Variants in TAOK1 observed in about 807,000 individuals in gnomAD.
The protein encoded by TAOK1 is TAO kinase 1.
TAOK1 carries 21 observed loss-of-function variants against 138.3 expected under a neutral mutation model. The ratio of observed to expected loss-of-function variants is 0.15; its 90% confidence interval spans 0.11 to 0.22. The LOEUF (loss-of-function observed/expected upper bound fraction) is 0.22. Among genes scored for constraint, TAOK1 ranks in the 10% least tolerant of loss-of-function variants. The probability of loss-of-function intolerance (pLI) is 1.00; values close to 1 mark genes in which losing one functional copy is unlikely to be tolerated. For missense variants in TAOK1, 651 were observed against 1,227.7 expected (o/e 0.53, Z 7.02); for synonymous variants, 361 against 398.4 (o/e 0.91, Z 1.12).
At chr17:29,415,235 T>C (rs1905241158) in intron 1 of TAOK1, among the ~76,000 whole-genome samples, 1 of 152,226 alleles carries the variant, frequency 6.6e-6, no homozygotes, top group South Asian at 2.1e-4. Flanking sequence ...TCCAGAGTGC[T>C]GGGATTACAG....
intron 15 of TAOK1, 42 bp downstream of exon 15, chr17:29,511,034 T>C (rs746650326): frequency 2.0e-5 from 31 of 1,561,828 alleles, no homozygotes; most frequent in Non-Finnish European, 2.6e-5. Flanking sequence ...TTTCTGCTTA[T>C]TAATTATATC....
chr17:29,399,288 A>G (rs1423410989), intron 1 of TAOK1, among the ~76,000 whole-genome samples: 4 of 152,118 alleles, frequency 2.6e-5, no homozygotes, highest in Admixed American at 2.6e-4. Context: ...GAGTTGCATT[A>G]TATAATTTTG....
chr17:29,431,803 A>ATTTT (rs71360705), intron 1 of TAOK1, among the ~76,000 whole-genome samples: 4 of 113,014 alleles, frequency 3.5e-5, no homozygotes, highest in Non-Finnish European at 7.0e-5. Flanking sequence ...TGCCTGGCTA[A>ATTTT]TTTTTTTTTT....
intron 1 of TAOK1, among the ~76,000 whole-genome samples, chr17:29,413,942 G>T (rs1442041203): frequency 1.4e-5 from 2 of 143,562 alleles, no homozygotes; most frequent in Non-Finnish European, 3.0e-5. Flanking sequence ...GAGTGCAGTG[G>T]CATGATCTTG....
chr17:29,465,667 T>C (rs2030644664), intron 2 of TAOK1, among the ~76,000 whole-genome samples: 1 of 152,134 alleles, frequency 6.6e-6, no homozygotes, highest in Non-Finnish European at 1.5e-5. Context: ...GAGCCTGAAT[T>C]GAAAACGAGT....
chr17:29,510,281 G>T (rs2031698226), intron 14 of TAOK1, among the ~76,000 whole-genome samples: 1 of 152,126 alleles, frequency 6.6e-6, no homozygotes, highest in South Asian at 2.1e-4. Context: ...GGAGGCTGAG[G>T]CAGGAGAATC....
chr17:29,525,999 A>T (rs1484239449), intron 17 of TAOK1, among the ~76,000 whole-genome samples: 1 of 152,162 alleles, frequency 6.6e-6, no homozygotes, highest in Non-Finnish European at 1.5e-5. Flanking sequence ...CCGTCTCAAA[A>T]ATTAAAAATA....
intron 1 of TAOK1, among the ~76,000 whole-genome samples, chr17:29,443,267 T>G (rs959040361): frequency 2.0e-5 from 3 of 152,198 alleles, no homozygotes; most frequent in Middle Eastern, 3.2e-3. Context: ...TCATTGTTGA[T>G]TCAAGGAGCA....
chr17:29,517,381 G>C, intron 15 of TAOK1, 72 bp from the exon 16 acceptor site: 1 of 1,479,432 alleles, frequency 6.8e-7, no homozygotes, highest in Non-Finnish European at 9.3e-7. Context: ...CGGCCTCCCA[G>C]AGTGCTGGGA....
intron 1 of TAOK1, among the ~76,000 whole-genome samples, chr17:29,433,314 C>T (rs1367612035): frequency 6.6e-6 from 1 of 151,624 alleles, no homozygotes; most frequent in Non-Finnish European, 1.5e-5. Flanking sequence ...ATCTGTAATC[C>T]CAGCTACTCA....
intron 15 of TAOK1, chr17:29,511,265 G>C (rs182514678): frequency 6.2e-6 from 1 of 160,426 alleles, no homozygotes; most frequent in Non-Finnish European, 1.3e-5. Context: ...AAAGAGTCTC[G>C]CTCTGTCACC....
intron 6 of TAOK1, among the ~76,000 whole-genome samples, chr17:29,478,923 C>T (rs1262738121): frequency 6.6e-6 from 1 of 152,108 alleles, no homozygotes; most frequent in East Asian, 1.9e-4. Context: ...GAGTTCGAGA[C>T]CAGCCTGGCC....
rs1165045494 is a variant in TAOK1 at position 29,551,517 on chromosome 17, C to T, written c.*8495C>T. ...ACTAATTTTAAATACACATTGTCCT[C>T]TCGATTTTTGGACCAAACAGACGCT... On this transcript the variant is annotated 3_prime_UTR_variant, in exon 20 of 20. Coordinates refer to ENST00000261716, the MANE Select transcript of TAOK1 (RefSeq NM_020791.4). The T allele has an allele frequency of 6.6e-6, 1 of 152,514 alleles. No homozygotes were observed. The highest frequency in any genetic ancestry group is 1.9e-4 in the East Asian group (1 of 5,196). The allele number at this position is 152,514 out of a possible 1,614,324, so 9.4% of individuals were successfully genotyped here. A position where few individuals can be genotyped will look rare whatever the true frequency, so the allele number is the denominator to read the frequency against.
chr17:29,420,589 T>A, intron 1 of TAOK1, among the ~76,000 whole-genome samples: 1 of 150,282 alleles, frequency 6.7e-6, no homozygotes, highest in African/African-American at 2.4e-5. Context: ...TAATCTGTTT[T>A]TTTTTTTTTT....
chr17:29,521,068 G>A (rs750963404), intron 16 of TAOK1, among the ~76,000 whole-genome samples: 1 of 151,944 alleles, frequency 6.6e-6, no homozygotes, highest in Non-Finnish European at 1.5e-5. Flanking sequence ...ATCCGGATAC[G>A]TGTATATTAT....
intron 1 of TAOK1, among the ~76,000 whole-genome samples, chr17:29,432,711 G>A (rs189473147): frequency 2.0e-5 from 3 of 152,008 alleles, no homozygotes; most frequent in African/African-American, 7.3e-5. Context: ...CTAACCTCAG[G>A]TGATCCACCC....
At chr17:29,496,656 C>T (rs564751755) in intron 11 of TAOK1, among the ~76,000 whole-genome samples, 6 of 141,568 alleles carry the variant, frequency 4.2e-5, no homozygotes, top group Admixed American at 7.7e-5. Context: ...GGCACGATCT[C>T]GGCTCACTGC....
chr17:29,537,017 A>G (rs2032235062), intron 19 of TAOK1, among the ~76,000 whole-genome samples: 4 of 152,100 alleles, frequency 2.6e-5, no homozygotes, highest in Admixed American at 2.6e-4. Flanking sequence ...TCCATCTTTT[A>G]TATTTGAAAT....
At chr17:29,477,029 TA>T (rs2153026558) in intron 4 of TAOK1, among the ~76,000 whole-genome samples, 1 of 152,230 alleles carries the variant, frequency 6.6e-6, no homozygotes, top group South Asian at 2.1e-4. Context: ...ATATTTTTAG[TA>T]TAAATGGGGT....
Sources: allele counts gnomAD v4.1 joint callset (sites outside exome capture counted in the v4.1 genomes callset), GRCh38; gene constraint gnomAD v4.1.1; transcripts MANE v1.5; gene names NCBI Gene and HGNC (gene_info 2026-07-23, HGNC 2026-07-21).